Variants in NWD2 observed in about 807,000 individuals in gnomAD.
NWD2 encodes the protein NACHT and WD repeat domain containing 2.
Under a neutral mutation model 132.7 loss-of-function variants are expected in NWD2, and 37 were observed. The observed-to-expected ratio is 0.28, with a 90% confidence interval of 0.21 to 0.37. The LOEUF (loss-of-function observed/expected upper bound fraction) is 0.37. NWD2 is among the 10% of genes least tolerant of loss of function. The pLI, the probability that NWD2 is intolerant of heterozygous loss-of-function variation, is 1.00. For synonymous variants in NWD2, 705 were observed against 803.0 expected (o/e 0.88, Z 2.06); for missense variants, 1,592 against 2,122.4 (o/e 0.75, Z 4.91).
At chr4:37,275,805 A>G (rs1157971952) in intron 1 of NWD2, among the ~76,000 whole-genome samples, 1 of 152,168 alleles carries the variant, frequency 6.6e-6, no homozygotes, top group East Asian at 1.9e-4. Flanking sequence ...CGTATCTACA[A>G]CTATCTGATC....
At chr4:37,392,455 A>G (rs1010189860) in intron 3 of NWD2, among the ~76,000 whole-genome samples, 1 of 152,194 alleles carries the variant, frequency 6.6e-6, no homozygotes, top group African/African-American at 2.4e-5. Context: ...ATTGTAGGAT[A>G]TTTAGCAGCA....
At chr4:37,281,516 A>AGG (rs1201910792) in intron 1 of NWD2, among the ~76,000 whole-genome samples, 4 of 152,132 alleles carry the variant, frequency 2.6e-5, no homozygotes, top group East Asian at 1.9e-4. Flanking sequence ...AAGACAGACA[A>AGG]GGGGGAGGAG....
At chr4:37,395,402 G>C (rs900808773) in intron 3 of NWD2, among the ~76,000 whole-genome samples, 8 of 151,144 alleles carry the variant, frequency 5.3e-5, no homozygotes, top group Admixed American at 4.0e-4. Context: ...TTCCCACTGG[G>C]GAAGCAATAC....
chr4:37,257,942 C>T (rs1717553102), intron 1 of NWD2, among the ~76,000 whole-genome samples: 1 of 152,210 alleles, frequency 6.6e-6, no homozygotes, highest in Admixed American at 6.5e-5. Flanking sequence ...AAAGTTTGCA[C>T]TTTCACCATT....
At chr4:37,425,885 C>T (rs1387204847) in intron 3 of NWD2, among the ~76,000 whole-genome samples, 1 of 152,148 alleles carries the variant, frequency 6.6e-6, no homozygotes, top group African/African-American at 2.4e-5. Context: ...ATGGATACTC[C>T]CCATGGCTGC....
At chr4:37,431,161 G>A (rs1712168073) in intron 4 of NWD2, among the ~76,000 whole-genome samples, 1 of 152,024 alleles carries the variant, frequency 6.6e-6, no homozygotes. Context: ...ATATCCAAAG[G>A]CAATAAAATC....
chr4:37,422,984 A>AC (rs1553855358), intron 3 of NWD2, among the ~76,000 whole-genome samples: 2 of 148,496 alleles, frequency 1.3e-5, no homozygotes, highest in Non-Finnish European at 3.0e-5. Context: ...TAGGAAATTG[A>AC]TTTTTTTTTT....
chr4:37,268,966 A>G (rs900912844), intron 1 of NWD2, among the ~76,000 whole-genome samples: 3 of 151,936 alleles, frequency 2.0e-5, no homozygotes, highest in Admixed American at 1.3e-4. Flanking sequence ...CTTTATTTCC[A>G]GTAATTGATC....
intron 1 of NWD2, among the ~76,000 whole-genome samples, chr4:37,248,517 A>T (rs1335733024): frequency 6.6e-6 from 1 of 152,202 alleles, no homozygotes; most frequent in African/African-American, 2.4e-5. Flanking sequence ...CCCACCCAAC[A>T]TAGAAATTCC....
intron 3 of NWD2, among the ~76,000 whole-genome samples, chr4:37,367,913 C>G (rs1053963813): frequency 6.6e-6 from 1 of 152,078 alleles, no homozygotes; most frequent in African/African-American, 2.4e-5. Flanking sequence ...TTCTTCCTAC[C>G]AGCAGACCCT....
At chr4:37,338,475 C>A (rs1051041210) in intron 2 of NWD2, among the ~76,000 whole-genome samples, 1 of 152,232 alleles carries the variant, frequency 6.6e-6, no homozygotes. Flanking sequence ...ACTAAAGTTC[C>A]TTGAAAACAA....
chr4:37,344,125 C>T (rs1361380490), intron 2 of NWD2, among the ~76,000 whole-genome samples: 1 of 152,140 alleles, frequency 6.6e-6, no homozygotes, highest in African/African-American at 2.4e-5. Context: ...ATTCTAGACT[C>T]TGCAGTGCCT....
At chr4:37,253,167 T>A (rs1428193101) in intron 1 of NWD2, among the ~76,000 whole-genome samples, 1 of 152,184 alleles carries the variant, frequency 6.6e-6, no homozygotes, top group African/African-American at 2.4e-5. Context: ...AAACTGAGAA[T>A]AACTCAGTAA....
chr4:37,253,334 A>C (rs1348139536), intron 1 of NWD2, among the ~76,000 whole-genome samples: 1 of 152,210 alleles, frequency 6.6e-6, no homozygotes, highest in Non-Finnish European at 1.5e-5. Flanking sequence ...TAAATAGCAG[A>C]ATTAGATATT....
chr4:37,302,322 T>C (rs927594945), intron 1 of NWD2, among the ~76,000 whole-genome samples: 3 of 109,572 alleles, frequency 2.7e-5, no homozygotes, highest in African/African-American at 7.8e-5. Context: ...TAGTATTCTA[T>C]TGAGTATATT....
intron 2 of NWD2, among the ~76,000 whole-genome samples, chr4:37,346,446 G>A (rs1478110936): frequency 3.3e-5 from 5 of 152,284 alleles, no homozygotes; most frequent in Admixed American, 3.3e-4. Context: ...CCAGAAGTGT[G>A]AGTTCTTCAA....
At chr4:37,367,117 T>A (rs1334244399) in intron 3 of NWD2, among the ~76,000 whole-genome samples, 1 of 152,114 alleles carries the variant, frequency 6.6e-6, no homozygotes, top group Non-Finnish European at 1.5e-5. Context: ...TTTCAAAGGG[T>A]TGAAATCATA....
At chr4:37,249,477 G>C (rs571521123) in intron 1 of NWD2, among the ~76,000 whole-genome samples, 1 of 152,162 alleles carries the variant, frequency 6.6e-6, no homozygotes, top group Non-Finnish European at 1.5e-5. Context: ...TCCCTGGCTC[G>C]TGGACAGAGT....
At position 37,439,421 on chromosome 4, in the gene NWD2, G is replaced by A. The variant is rs1712421885; in HGVS notation, c.1296+31G>A. ...AGCCTATTCTTTCCCGTGTATATTT[G>A]TAAAAACTTGTACTTTTGGAAAATG... On this transcript the variant is annotated intron_variant, in intron 6 of 6. Transcript: ENST00000309447. The surrounding 1 kb of genome is among the most constrained non-coding windows in gnomAD (Gnocchi z 4.5). 1 of 1,322,150 alleles carries A rather than the reference G, an allele frequency of 7.6e-7. No homozygotes were observed. The highest frequency in any genetic ancestry group is 1.0e-6 in the Non-Finnish European group (1 of 996,904). The allele number at this position is 1,322,150 out of a possible 1,614,324, so 81.9% of individuals were successfully genotyped here. A position where few individuals can be genotyped will look rare whatever the true frequency, so the allele number is the denominator to read the frequency against.
Sources: gnomAD v4.1 joint callset for allele counts (sites outside exome capture counted in the v4.1 genomes callset) on GRCh38, gnomAD v4.1.1 for gene constraint, Gnocchi (gnomAD v3.1) non-coding constraint, MANE v1.5 for transcripts, NCBI Gene and HGNC (gene_info 2026-07-23, HGNC 2026-07-21) for gene names.